ZNF438: variants seen among roughly 807,000 people sequenced by gnomAD.
ZNF438 encodes the protein zinc finger protein 438.
In ZNF438, 25 loss-of-function variants were observed where a neutral mutation model predicts 38.0. The observed-to-expected ratio is 0.66, with a 90% confidence interval of 0.48 to 0.92. The LOEUF is 0.92. Ranked by LOEUF, ZNF438 falls within the 40% of genes least tolerant of loss-of-function variation. The pLI, the probability that ZNF438 is intolerant of heterozygous loss-of-function variation, is 0.00. For synonymous variants in ZNF438, 372 were observed against 364.1 expected (o/e 1.02, Z -0.25); for missense variants, 1,007 against 999.6 (o/e 1.01, Z -0.10).
chr10:30,973,438 T>C (rs1360029680), intron 1 of ZNF438, among the ~76,000 whole-genome samples: 1 of 152,204 alleles, frequency 6.6e-6, no homozygotes, highest in Non-Finnish European at 1.5e-5. Flanking sequence ...AGGGCAGACT[T>C]TACTGAATGT....
At chr10:30,988,120 G>A (rs896715300) in intron 1 of ZNF438, among the ~76,000 whole-genome samples, 2 of 151,814 alleles carry the variant, frequency 1.3e-5, no homozygotes, top group Admixed American at 6.6e-5. Flanking sequence ...GCTGTAAATC[G>A]AGTTTACTGT....
chr10:31,012,780 A>T (rs74134364), intron 1 of ZNF438, among the ~76,000 whole-genome samples: 131 of 152,264 alleles, frequency 8.6e-4, no homozygotes, highest in African/African-American at 2.4e-3. Context: ...ATTGTAACCC[A>T]GAATCTGATC....
In ZNF438 at chr10:31,025,747, G is replaced by A. The variant is rs987685881; in HGVS notation, c.-192+6086C>T. Among the ~76,000 whole-genome samples the A allele has an allele frequency of 2.0e-4, 30 of 152,136 alleles. 1 individual carries two copies. In the East Asian group the frequency reaches 3.9e-3, roughly 20 times the overall value. On this transcript the variant is annotated intron_variant, in intron 1 of 5. Transcript: ENST00000413025. ...CTCCACCTAGACTTACTAATTATTAGCCATTAGTGTAATGTGTTAAAATCA... is the reference window on the plus strand; with the variant it reads ...CTCCACCTAGACTTACTAATTATTAACCATTAGTGTAATGTGTTAAAATCA...
At chr10:30,880,346 G>A (rs1198158731) in intron 3 of ZNF438, among the ~76,000 whole-genome samples, 2 of 149,878 alleles carry the variant, frequency 1.3e-5, no homozygotes, top group African/African-American at 2.5e-5. Context: ...CAGGAGAATC[G>A]CTTGAACCCA....
At chr10:30,922,641 C>T (rs909956038) in intron 2 of ZNF438, among the ~76,000 whole-genome samples, 2 of 152,068 alleles carry the variant, frequency 1.3e-5, no homozygotes, top group East Asian at 3.9e-4. Flanking sequence ...TGGGACCAGC[C>T]TGGACAACAT....
chr10:30,858,914 C>T (rs558626664), intron 4 of ZNF438, among the ~76,000 whole-genome samples: 1 of 152,148 alleles, frequency 6.6e-6, no homozygotes, highest in African/African-American at 2.4e-5. Context: ...CACCTCACTT[C>T]GCAGGGAAGG....
chr10:30,844,706 T>G (rs143579887), exon 6 of ZNF438: 3 of 393,610 alleles, frequency 7.6e-6, no homozygotes, highest in Non-Finnish European at 1.3e-5. Flanking sequence ...TTGATCTTTT[T>G]ATTTATTCTG....
intron 2 of ZNF438, among the ~76,000 whole-genome samples, chr10:30,915,630 G>A (rs2043540949): frequency 6.6e-6 from 1 of 151,752 alleles, no homozygotes; most frequent in East Asian, 1.9e-4. Context: ...TTTTCAGGAA[G>A]TGCAGAGATG....
intron 1 of ZNF438, among the ~76,000 whole-genome samples, chr10:30,959,467 G>A (rs139199101): frequency 0.037 from 5,400 of 145,562 alleles, 460 homozygotes; most frequent in African/African-American, 0.12. Context: ...GGCCGGGCGC[G>A]GTGGCTCACA....
chr10:30,934,131 G>A (rs2045978809), intron 2 of ZNF438, among the ~76,000 whole-genome samples: 1 of 149,262 alleles, frequency 6.7e-6, no homozygotes, highest in African/African-American at 2.5e-5. Flanking sequence ...GGGCGACAGA[G>A]TGAGACTCCA....
intron 1 of ZNF438, among the ~76,000 whole-genome samples, chr10:30,973,808 G>A (rs529262269): frequency 6.6e-6 from 1 of 152,274 alleles, no homozygotes; most frequent in South Asian, 2.1e-4. Flanking sequence ...ACCCTTTGCT[G>A]CATAGATTTT....
At chr10:30,863,889 AT>A (rs2035988806) in intron 4 of ZNF438, among the ~76,000 whole-genome samples, 2 of 152,184 alleles carry the variant, frequency 1.3e-5, no homozygotes, top group Non-Finnish European at 2.9e-5. Flanking sequence ...AAATCCAACC[AT>A]TGTGAACGCT....
chr10:31,018,946 T>C (rs2056400604), intron 1 of ZNF438, among the ~76,000 whole-genome samples: 2 of 152,214 alleles, frequency 1.3e-5, no homozygotes, highest in Non-Finnish European at 1.5e-5. Context: ...ATCACTTGTG[T>C]TCTTATCTAA....
chr10:30,869,728 G>A (rs867112949), intron 4 of ZNF438, among the ~76,000 whole-genome samples: 12 of 152,168 alleles, frequency 7.9e-5, no homozygotes, highest in Non-Finnish European at 1.3e-4. Context: ...ATCTGTACTT[G>A]CTCTGCAGCA....
chr10:30,882,904 GA>G (rs903369873), intron 3 of ZNF438, among the ~76,000 whole-genome samples: 1 of 151,992 alleles, frequency 6.6e-6, no homozygotes, highest in African/African-American at 2.4e-5. Context: ...TAAATATTGG[GA>G]AAAAATTTAA....
At chr10:30,958,545 G>T (rs1401965670) in intron 1 of ZNF438, among the ~76,000 whole-genome samples, 1 of 146,580 alleles carries the variant, frequency 6.8e-6, no homozygotes, top group African/African-American at 2.4e-5. Context: ...TTTTGATATG[G>T]ATTGAAGTGC....
rs922765190 is a variant in ZNF438, at chr10:30,937,730, A to G, written c.-115+3845T>C. Among the ~76,000 whole-genome samples the G allele has an allele frequency of 5.3e-5, 8 of 152,356 alleles. No homozygotes were observed. The South Asian group carries it at 1.4e-3, about 28-fold the overall frequency. On this transcript the variant is annotated intron_variant, in intron 2 of 5. Coordinates refer to ENST00000413025, the Ensembl canonical transcript of ZNF438. ...GCTCCCACACATCTAACTACACTTA[A>G]AAAGGTGGCTCTTCTCTTTATTACC...
chr10:30,855,929 G>GAT (rs1331862666), intron 4 of ZNF438, among the ~76,000 whole-genome samples: 4 of 152,350 alleles, frequency 2.6e-5, no homozygotes, highest in Admixed American at 2.0e-4. Flanking sequence ...TCAGGAATGG[G>GAT]ATAAGTGCTA....
chr10:30,998,770 T>C (rs1564823741), intron 1 of ZNF438, among the ~76,000 whole-genome samples: 1 of 152,262 alleles, frequency 6.6e-6, no homozygotes, highest in South Asian at 2.1e-4. Context: ...ACAATTTTCA[T>C]GGCAGTTTCA....
Sources: gnomAD v4.1 joint callset for allele counts (sites outside exome capture counted in the v4.1 genomes callset) on GRCh38, gnomAD v4.1.1 for gene constraint, MANE v1.5 for transcripts, NCBI Gene and HGNC (gene_info 2026-07-23, HGNC 2026-07-21) for gene names.